Variants in KDM5A observed in about 807,000 individuals in gnomAD.
KDM5A encodes lysine-specific demethylase 5A.
In KDM5A, 42 loss-of-function variants were observed where a neutral mutation model predicts 193.5. That is an observed-to-expected ratio of 0.22 (90% CI 0.17 to 0.28). KDM5A has a LOEUF of 0.28. Ranked by LOEUF, KDM5A falls within the 10% of genes least tolerant of loss-of-function variation. KDM5A has a pLI of 1.00. For synonymous variants in KDM5A, 796 were observed against 718.1 expected, an observed-to-expected ratio of 1.11 and a Z score of -1.73; for missense variants, 1,692 against 2,055.1, an observed-to-expected ratio of 0.82 and a Z score of 3.42.
intron 3 of KDM5A, among the ~76,000 whole-genome samples, chr12:383,059 A>C (rs1944594200): frequency 1.3e-5 from 2 of 152,266 alleles, no homozygotes; most frequent in South Asian, 4.1e-4. Flanking sequence ...AAACTTGTCT[A>C]AACTCTTCAC....
chr12:344,324 C>G (rs1199159543), intron 10 of KDM5A, among the ~76,000 whole-genome samples: 1 of 152,074 alleles, frequency 6.6e-6, no homozygotes, highest in Non-Finnish European at 1.5e-5. Context: ...AGGATGAAAC[C>G]CAGTTGGAAA....
Position 318,481 on chromosome 12 carries a change from T to A in KDM5A, c.2542-20A>T, listed in dbSNP as rs201466319. On this transcript the variant is annotated intron_variant, in intron 18 of 27. Coordinates refer to ENST00000399788, the MANE Select transcript of KDM5A (RefSeq NM_001042603.3). ...CAGATTCTGAAAAGGTCAAAAGAAA[T>A]AAAAATCAGAAAAACAAATTTAAAA... 2.3e-4 allele frequency: 356 copies of A among 1,577,262 alleles called. 2 individuals carry two copies. In the East Asian group the frequency reaches 7.9e-3, roughly 35 times the overall value.
At chr12:291,886 A>G (rs942073058) in intron 27 of KDM5A, among the ~76,000 whole-genome samples, 1 of 151,694 alleles carries the variant, frequency 6.6e-6, no homozygotes, top group African/African-American at 2.4e-5. Context: ...TAGGGTTGGA[A>G]ATTTTAAAAC....
At chr12:306,785 T>C in intron 24 of KDM5A, 161 bp downstream of exon 24, 2 of 797,556 alleles carry the variant, frequency 2.5e-6, no homozygotes, top group African/African-American at 1.7e-5. Flanking sequence ...TGTAATGTTT[T>C]GAGTTTTGAA....
chr12:291,883 G>C (rs906817878), intron 27 of KDM5A, among the ~76,000 whole-genome samples: 1 of 150,836 alleles, frequency 6.6e-6, no homozygotes, highest in Non-Finnish European at 1.5e-5. Context: ...ATTTAGGGTT[G>C]GAAATTTTAA....
chr12:330,314 T>C (rs749254167), intron 13 of KDM5A, among the ~76,000 whole-genome samples: 18 of 152,140 alleles, frequency 1.2e-4, no homozygotes, highest in Non-Finnish European at 2.5e-4. Flanking sequence ...TTAGTCCCAT[T>C]AATTTATTCC....
At position 280,537 on chromosome 12, in the gene KDM5A, T is replaced by C. The variant is rs1943144519; in HGVS notation, c.*4919A>G. 4.3e-6 allele frequency: 1 copy of C among 233,130 alleles called. No homozygotes were observed. 14.4% of individuals were successfully genotyped at this position (233,130 alleles called of 1,614,324 possible). On this transcript the variant is annotated 3_prime_UTR_variant, in exon 28 of 28. Coordinates refer to ENST00000399788, the MANE Select transcript of KDM5A (RefSeq NM_001042603.3). ...TTCATGAAACTGAGGCCAAGTCCAC[T>C]GCAAGCAGAGTCTTAACATTTTCAG...
intron 14 of KDM5A, among the ~76,000 whole-genome samples, chr12:327,926 ATTGT>A (rs1165300235): frequency 3.3e-5 from 5 of 152,102 alleles, no homozygotes; most frequent in African/African-American, 4.8e-5. Flanking sequence ...AGGTGGGAAG[ATTGT>A]TTGAGCCCAG....
At chr12:311,123 C>G (rs781207432) in intron 20 of KDM5A, 59 bp from the exon 21 acceptor site, 9 of 1,477,976 alleles carry the variant, frequency 6.1e-6, no homozygotes, top group African/African-American at 1.4e-5. Context: ...TGGCAATATA[C>G]TGTTGAAAGA....
chr12:338,480 C>T (rs191314887), intron 10 of KDM5A, among the ~76,000 whole-genome samples: 53 of 152,316 alleles, frequency 3.5e-4, no homozygotes, highest in African/African-American at 1.2e-3. Flanking sequence ...CCCTGGGAAG[C>T]CTGTGCCTGG....
At chr12:287,489 T>G (rs1334448788) in intron 27 of KDM5A, among the ~76,000 whole-genome samples, 1 of 143,548 alleles carries the variant, frequency 7.0e-6, no homozygotes, top group Non-Finnish European at 1.5e-5. Flanking sequence ...AGCAAACTAA[T>G]CAGAGACCAA....
At chr12:364,967 G>A (rs1049626931) in intron 4 of KDM5A, among the ~76,000 whole-genome samples, 3 of 151,948 alleles carry the variant, frequency 2.0e-5, no homozygotes, top group African/African-American at 7.3e-5. Context: ...CCATCAACTG[G>A]TAAATGGATA....
intron 12 of KDM5A, chr12:333,195 G>A (rs1261467460): frequency 4.8e-6 from 2 of 420,044 alleles, no homozygotes; most frequent in African/African-American, 4.0e-5. Flanking sequence ...GAGTTGGGAA[G>A]ACTGCTTGAG....
Position 307,884 on chromosome 12 carries a change from C to T in KDM5A, c.3500G>A (p.Arg1167His), listed in dbSNP as rs199716528. 9.7e-5 allele frequency: 157 copies of T among 1,613,966 alleles called. 1 individual carries two copies. The highest frequency in any genetic ancestry group is 1.1e-5 in the South Asian group (1 of 91,080). The change falls in exon 23 of 28, where the codon CGC becomes CAC. Residue 1167 changes from arginine to histidine, a missense_variant. Coordinates refer to ENST00000399788, the MANE Select transcript of KDM5A (RefSeq NM_001042603.3). This position sits in a 1 kb window ranked among gnomAD's most constrained non-coding sequence, Gnocchi z 4.3. ...TAGCATAAACCCACTGGCTGTCTTGCGGCAAATGCAAAATTTTACTTCTTC... is the reference window on the plus strand; with the variant it reads ...TAGCATAAACCCACTGGCTGTCTTGTGGCAAATGCAAAATTTTACTTCTTC... ...RIEEVKFCIC[R>H]KTASGFMLQC...
intron 3 of KDM5A, among the ~76,000 whole-genome samples, chr12:382,202 C>T (rs192904147): frequency 5.3e-4 from 81 of 151,680 alleles, no homozygotes; most frequent in African/African-American, 1.7e-3. Context: ...GAGGCTGAGG[C>T]GGGTGGATCA....
intron 14 of KDM5A, among the ~76,000 whole-genome samples, chr12:328,549 A>C (rs977936517): frequency 6.6e-6 from 1 of 152,224 alleles, no homozygotes; most frequent in African/African-American, 2.4e-5. Context: ...AAATGATTTA[A>C]ATTTTCTTGT....
intron 2 of KDM5A, 63 bp downstream of exon 2, chr12:385,834 C>T (rs1266813397): frequency 2.3e-6 from 3 of 1,282,700 alleles, no homozygotes; most frequent in East Asian, 4.6e-5. Context: ...TCTCAAAGTT[C>T]TCTACCTACA....
chr12:340,155 G>C (rs1442531077), intron 10 of KDM5A, among the ~76,000 whole-genome samples: 2 of 152,004 alleles, frequency 1.3e-5, no homozygotes, highest in African/African-American at 2.4e-5. Flanking sequence ...TAGGATTATG[G>C]GTGTGAGCCA....
chr12:361,753 C>G (rs1439204725), intron 5 of KDM5A, among the ~76,000 whole-genome samples: 2 of 152,110 alleles, frequency 1.3e-5, no homozygotes, highest in African/African-American at 4.8e-5. Flanking sequence ...AATGACTAAA[C>G]CAGAGTTTAC....
Sources: allele counts gnomAD v4.1 joint callset (sites outside exome capture counted in the v4.1 genomes callset), GRCh38; gene constraint gnomAD v4.1.1; non-coding constraint Gnocchi (gnomAD v3.1); transcripts MANE v1.5; gene names NCBI Gene and HGNC (gene_info 2026-07-23, HGNC 2026-07-21).